DPP6: variants seen among roughly 807,000 people sequenced by gnomAD.
The protein encoded by DPP6 is dipeptidyl peptidase like 6, also known as A-type potassium channel modulatory protein DPP6.
DPP6 carries 69 observed loss-of-function variants against 122.6 expected under a neutral mutation model. The ratio of observed to expected loss-of-function variants is 0.56; its 90% CI spans 0.46 to 0.69. DPP6 has a LOEUF of 0.69. Among genes scored for constraint, DPP6 ranks in the 30% least tolerant of loss-of-function variants. The pLI, the probability that DPP6 is intolerant of heterozygous loss-of-function variation, is 0.00. For missense variants in DPP6, 928 were observed against 1,116.9 expected (o/e 0.83, Z 2.41); for synonymous variants, 418 against 433.1 (o/e 0.97, Z 0.43).
chr7:154,759,450 C>G (rs560860791), intron 8 of DPP6, among the ~76,000 whole-genome samples: 1 of 152,318 alleles, frequency 6.6e-6, no homozygotes, highest in Non-Finnish European at 1.5e-5. Context: ...CAAGGGGCAG[C>G]GGCAATAGGA....
upstream of DPP6, among the ~76,000 whole-genome samples, chr7:153,886,349 G>A (rs1387695441): frequency 1.3e-5 from 2 of 152,174 alleles, no homozygotes; most frequent in East Asian, 1.9e-4. Context: ...AACCCAGGTC[G>A]CGGTCACTGG....
chr7:154,782,745 C>T (rs921852984), intron 10 of DPP6, among the ~76,000 whole-genome samples: 2 of 152,058 alleles, frequency 1.3e-5, no homozygotes, highest in African/African-American at 4.8e-5. Flanking sequence ...TTCAGAGGGT[C>T]TAGGGTGAGG....
chr7:154,739,016 C>T (rs1842697927), intron 8 of DPP6, among the ~76,000 whole-genome samples: 1 of 152,222 alleles, frequency 6.6e-6, no homozygotes, highest in South Asian at 2.1e-4. Flanking sequence ...CACGGTCACT[C>T]AAGGTCCCAG....
intron 1 of DPP6, among the ~76,000 whole-genome samples, chr7:154,061,957 GGGT>G (rs1585280188): frequency 1.6e-5 from 2 of 122,912 alleles, no homozygotes; most frequent in East Asian, 2.5e-4. Flanking sequence ...AACCCTGCGA[GGGT>G]GGGGACTGAG....
At chr7:154,011,385 C>T (rs1798148409) in intron 1 of DPP6, among the ~76,000 whole-genome samples, 1 of 152,176 alleles carries the variant, frequency 6.6e-6, no homozygotes, top group Non-Finnish European at 1.5e-5. Context: ...TAATGTTTTG[C>T]ACTAACACTC....
rs1407506181 is a variant in DPP6 at position 154,562,791 on chromosome 7, A to C, written c.553-4051A>C. 9.2e-5 allele frequency among the ~76,000 whole-genome samples: 14 copies of C among 152,304 alleles called. No homozygotes were observed. The East Asian group carries it at 2.7e-3, about 29-fold the overall frequency. ...CAAATGAATTTTGCATATTAGCAAT[A>C]ATCAATTAAATATTTAAATTAAAAT... On this transcript the variant is annotated intron_variant, in intron 4 of 25. Coordinates refer to ENST00000377770, the MANE Select transcript of DPP6 (RefSeq NM_130797.4).
chr7:154,575,663 GTGTA>G (rs1289723372), intron 5 of DPP6, among the ~76,000 whole-genome samples: 1 of 146,738 alleles, frequency 6.8e-6, no homozygotes, highest in Non-Finnish European at 1.5e-5. Context: ...TGTGGTGTGT[GTGTA>G]TGTGTGTGGT....
upstream of DPP6, among the ~76,000 whole-genome samples, chr7:153,886,869 G>C (rs567593175): frequency 1.3e-5 from 2 of 152,078 alleles, no homozygotes; most frequent in East Asian, 3.9e-4. Flanking sequence ...TCTCGCGGGC[G>C]CAGCCGATCA....
chr7:153,758,857 C>T, the DPP6 span, among the ~76,000 whole-genome samples: 4 of 152,072 alleles, frequency 2.6e-5, no homozygotes, highest in Non-Finnish European at 5.9e-5. Context: ...TTTATATGGA[C>T]ATATGCTTAC....
chr7:154,198,810 A>G (rs1236963254), intron 1 of DPP6, among the ~76,000 whole-genome samples: 2 of 152,154 alleles, frequency 1.3e-5, no homozygotes, highest in Non-Finnish European at 2.9e-5. Flanking sequence ...TCAGTCTCTC[A>G]TCTTAGGAAT....
chr7:154,880,632 G>A (rs866785105), intron 20 of DPP6, among the ~76,000 whole-genome samples: 105 of 152,348 alleles, frequency 6.9e-4, no homozygotes, highest in African/African-American at 2.2e-3. Flanking sequence ...TTAATGGCTC[G>A]CAGTCGAGAA....
chr7:153,753,853 T>A, the DPP6 span, among the ~76,000 whole-genome samples: 1 of 152,172 alleles, frequency 6.6e-6, no homozygotes, highest in Non-Finnish European at 1.5e-5. Context: ...GCTCCTAGAA[T>A]GTGGCAAGAA....
chr7:153,993,995 A>T (rs1797317425), intron 1 of DPP6, among the ~76,000 whole-genome samples: 2 of 152,370 alleles, frequency 1.3e-5, no homozygotes, highest in South Asian at 4.1e-4. Context: ...TGAAGAAGCT[A>T]TTGGATCAAT....
At position 154,847,648 on chromosome 7, in the gene DPP6, A is replaced by G. The variant is rs1429375495; in HGVS notation, c.1667-6132A>G. Among the ~76,000 whole-genome samples the G allele has an allele frequency of 2.0e-5, 3 of 152,168 alleles. No individual in the cohort carries two copies. The East Asian group carries it at 5.8e-4, about 29-fold the overall frequency. Reference sequence around the variant, plus strand: ...AATTAACATATCTGTCACTTCACGCATTTATCATTCTTTGTGGTGAAAACA... The same window carrying G: ...AATTAACATATCTGTCACTTCACGCGTTTATCATTCTTTGTGGTGAAAACA... On this transcript the variant is annotated intron_variant, in intron 16 of 25. Coordinates refer to ENST00000377770, the MANE Select transcript of DPP6 (RefSeq NM_130797.4).
At chr7:154,834,383 GGGGAAT>G (rs1206914685) in intron 16 of DPP6, among the ~76,000 whole-genome samples, 1 of 151,904 alleles carries the variant, frequency 6.6e-6, no homozygotes, top group Non-Finnish European at 1.5e-5. Context: ...GGCTGAGGCA[GGGGAAT>G]CACTTGAACC....
chr7:154,651,528 A>G (rs376856074), intron 6 of DPP6, among the ~76,000 whole-genome samples: 26 of 152,258 alleles, frequency 1.7e-4, no homozygotes, highest in African/African-American at 5.5e-4. Context: ...TACGAGCACC[A>G]TGCCGGAGCT....
At chr7:154,032,817 C>T (rs564051982) in intron 1 of DPP6, among the ~76,000 whole-genome samples, 135 of 151,910 alleles carry the variant, frequency 8.9e-4, no homozygotes, top group African/African-American at 3.2e-3. Flanking sequence ...AATCCCCTCT[C>T]TCTTTAAAAT....
At chr7:154,759,730 C>A (rs1429692032) in intron 8 of DPP6, among the ~76,000 whole-genome samples, 1 of 152,236 alleles carries the variant, frequency 6.6e-6, no homozygotes, top group African/African-American at 2.4e-5. Context: ...CTCTCTGTGT[C>A]CAGCCAGATA....
chr7:154,074,594 C>T (rs1442674005), intron 1 of DPP6, among the ~76,000 whole-genome samples: 2 of 152,100 alleles, frequency 1.3e-5, no homozygotes, highest in Admixed American at 6.5e-5. Context: ...CATGAAGTAA[C>T]GTTTATAGGT....
Sources: gnomAD v4.1 joint callset for allele counts (sites outside exome capture counted in the v4.1 genomes callset) on GRCh38, gnomAD v4.1.1 for gene constraint, MANE v1.5 for transcripts, NCBI Gene and HGNC (gene_info 2026-07-23, HGNC 2026-07-21) for gene names.